Variants in TEC observed in about 807,000 individuals in gnomAD.
TEC encodes the protein tyrosine-protein kinase Tec.
In TEC, 72 loss-of-function variants were observed where a neutral mutation model predicts 93.0. The ratio of observed to expected loss-of-function variants is 0.77; its 90% confidence interval spans 0.64 to 0.94. The LOEUF (loss-of-function observed/expected upper bound fraction) is 0.94, where lower values mean the gene tolerates loss of function less well. TEC is among the 40% of genes least tolerant of loss of function. The pLI, the probability that TEC is intolerant of heterozygous loss-of-function variation, is 0.00. For missense variants in TEC, 630 were observed against 757.9 expected, an observed-to-expected ratio of 0.83 and a Z score of 1.98; for synonymous variants, 249 against 247.7, an observed-to-expected ratio of 1.01 and a Z score of -0.05.
intron 9 of TEC, 23 bp from the exon 10 acceptor site, chr4:48,150,965 AT>A (rs758950535): frequency 2.1e-5 from 32 of 1,545,892 alleles, no homozygotes; most frequent in South Asian, 8.8e-5. Context: ...TTCAGAAAAA[AT>A]TTTTTTTACT....
At chr4:48,259,715 CAAA>C (rs5858111) in intron 1 of TEC, among the ~76,000 whole-genome samples, 18 of 117,840 alleles carry the variant, frequency 1.5e-4, no homozygotes, top group Admixed American at 1.7e-4. Flanking sequence ...GACTTTGTCT[CAAA>C]AAAAAAAAAA....
At chr4:48,245,295 G>GA (rs10622690) in intron 1 of TEC, among the ~76,000 whole-genome samples, 100,025 of 145,290 alleles carry the variant, frequency 0.69, 34,659 homozygotes, top group African/African-American at 0.81. Context: ...CCTTCTCCAG[G>GA]AAAAAAAAAA....
At chr4:48,187,923 C>T (rs13132499) in intron 2 of TEC, among the ~76,000 whole-genome samples, 1,896 of 152,300 alleles carry the variant, frequency 0.012, 12 homozygotes, top group Non-Finnish European at 0.02. Flanking sequence ...ACTATGCTAG[C>T]GATCTCTGAT....
At chr4:48,145,757 A>C (rs2661548) in intron 12 of TEC, among the ~76,000 whole-genome samples, 178 bp from the exon 13 acceptor site, 5 of 152,118 alleles carry the variant, frequency 3.3e-5, no homozygotes, top group African/African-American at 1.2e-4. Flanking sequence ...CAAAGGTGGG[A>C]AGGATGAATC....
intron 5 of TEC, 58 bp from the exon 6 acceptor site, chr4:48,168,684 A>T: frequency 6.4e-7 from 1 of 1,566,230 alleles, no homozygotes; most frequent in Non-Finnish European, 8.7e-7. Flanking sequence ...ATTGATAAAA[A>T]TAAGATATGG....
intron 11 of TEC, 144 bp from the exon 12 acceptor site, chr4:48,146,543 G>GTA: frequency 1.6e-6 from 1 of 637,018 alleles, no homozygotes; most frequent in Non-Finnish European, 2.7e-6. Flanking sequence ...TCTGCTATAT[G>GTA]CTTTTATTCA....
intron 2 of TEC, among the ~76,000 whole-genome samples, chr4:48,222,115 C>T (rs1312411123): frequency 1.3e-5 from 2 of 152,104 alleles, no homozygotes; most frequent in African/African-American, 2.4e-5. Context: ...TCCCCAGGCA[C>T]TCAACAAATT....
chr4:48,230,429 A>AT (rs1213257090), intron 1 of TEC, among the ~76,000 whole-genome samples: 1 of 152,210 alleles, frequency 6.6e-6, no homozygotes, highest in African/African-American at 2.4e-5. Flanking sequence ...CTGACCATGA[A>AT]AATACTACGC....
intron 2 of TEC, among the ~76,000 whole-genome samples, chr4:48,218,692 C>T (rs1454369663): frequency 1.3e-5 from 2 of 152,132 alleles, no homozygotes. Flanking sequence ...ATCTCAGAAC[C>T]TCAACAGGCT....
intron 2 of TEC, among the ~76,000 whole-genome samples, chr4:48,184,392 TC>T (rs1407793148): frequency 6.6e-6 from 1 of 152,210 alleles, no homozygotes; most frequent in Non-Finnish European, 1.5e-5. Flanking sequence ...CAAAGAAAGT[TC>T]ACAAATTAAA....
chr4:48,139,305 A>G (rs920621663), intron 15 of TEC, among the ~76,000 whole-genome samples: 1 of 152,222 alleles, frequency 6.6e-6, no homozygotes, highest in African/African-American at 2.4e-5. Context: ...AAGGTATCAT[A>G]AAATAGTTTG....
At chr4:48,175,972 G>T in intron 3 of TEC, 110 bp downstream of exon 3, 1 of 745,104 alleles carries the variant, frequency 1.3e-6, no homozygotes. Flanking sequence ...TATTAAAGTG[G>T]CAAATGAACC....
intron 2 of TEC, among the ~76,000 whole-genome samples, chr4:48,213,004 C>T (rs7697423): frequency 0.094 from 14,251 of 152,218 alleles, 725 homozygotes; most frequent in South Asian, 0.18. Flanking sequence ...ATAAAAGATA[C>T]TTCTACCAGG....
chr4:48,249,705 G>A (rs184058191), intron 1 of TEC, among the ~76,000 whole-genome samples: 2 of 152,314 alleles, frequency 1.3e-5, no homozygotes, highest in Non-Finnish European at 2.9e-5. Flanking sequence ...CTAACCCTGA[G>A]CTGAAATGTC....
intron 9 of TEC, chr4:48,153,632 C>T (rs1720270894): frequency 6.6e-6 from 1 of 152,136 alleles, no homozygotes; most frequent in African/African-American, 2.4e-5. Flanking sequence ...TGATTTTTCA[C>T]ACACAAAAAA....
In TEC at chr4:48,179,369, TATATA is replaced by T. The variant is rs1270509896; in HGVS notation, c.139-3188_139-3184del. On this transcript the variant is annotated intron_variant, in intron 2 of 17. Coordinates refer to ENST00000381501, the MANE Select transcript of TEC (RefSeq NM_003215.3). ...ATATATATATATATATATATATATA[TATATA>T]TATTTTTTTTTTTTTTTTTTTTTTT... 1.7e-3 allele frequency among the ~76,000 whole-genome samples: 68 copies of T among 39,126 alleles called. 1 individual carries two copies. The highest frequency in any genetic ancestry group is 2.6e-3 in the African/African-American group (27 of 10,338). The allele number at this position is 39,126 out of a possible 152,430, so 25.7% of individuals were successfully genotyped here.
At chr4:48,169,046 C>T (rs1026186711) in intron 5 of TEC, among the ~76,000 whole-genome samples, 5 of 152,174 alleles carry the variant, frequency 3.3e-5, no homozygotes, top group Non-Finnish European at 4.4e-5. Flanking sequence ...GAATGTTTCC[C>T]AGCTAGGTGT....
chr4:48,182,535 C>CTGTGTGTGTGTGTGTGTG (rs60434609), intron 2 of TEC, among the ~76,000 whole-genome samples: 4 of 147,232 alleles, frequency 2.7e-5, no homozygotes, highest in East Asian at 2.0e-4. Flanking sequence ...GGGCAATACT[C>CTGTGTGTGTGTGTGTGTG]TGTGTGTGTG....
intron 2 of TEC, among the ~76,000 whole-genome samples, chr4:48,216,552 AT>A (rs1723088260): frequency 6.6e-6 from 1 of 151,900 alleles, no homozygotes; most frequent in Non-Finnish European, 1.5e-5. Context: ...AATTAAGACA[AT>A]TTTTTTTCAA....
Sources: gnomAD v4.1 joint callset for allele counts (sites outside exome capture counted in the v4.1 genomes callset) on GRCh38, gnomAD v4.1.1 for gene constraint, MANE v1.5 for transcripts, NCBI Gene and HGNC (gene_info 2026-07-23, HGNC 2026-07-21) for gene names.